KDR: variants seen among roughly 807,000 people sequenced by gnomAD.
KDR encodes the protein kinase insert domain receptor.
In KDR, 43 loss-of-function variants were observed where a neutral mutation model predicts 160.9. The observed-to-expected ratio is 0.27, with a 90% confidence interval of 0.21 to 0.34. KDR has a LOEUF of 0.34. Among genes scored for constraint, KDR ranks in the 10% least tolerant of loss-of-function variants. The pLI is 1.00. For synonymous variants in KDR, 617 were observed against 600.1 expected (o/e 1.03, Z -0.41); for missense variants, 1,469 against 1,666.4 (o/e 0.88, Z 2.06).
intron 9 of KDR, 102 bp downstream of exon 9, chr4:55,110,301 A>G (rs377049340): frequency 1.7e-6 from 2 of 1,211,086 alleles, no homozygotes; most frequent in South Asian, 1.2e-5. Context: ...CAGCCATGAT[A>G]TGAGTGAAGC....
intron 27 of KDR, among the ~76,000 whole-genome samples, chr4:55,084,564 C>T (rs1056640884): frequency 5.3e-5 from 8 of 152,090 alleles, no homozygotes; most frequent in African/African-American, 1.4e-4. Flanking sequence ...TCTCCTAAGA[C>T]GGAGAAACAG....
chr4:55,106,040 GC>G, intron 11 of KDR, 100 bp from the exon 12 acceptor site: 1 of 802,668 alleles, frequency 1.2e-6, no homozygotes, highest in Non-Finnish European at 2.3e-6. Flanking sequence ...ACCTGCCTAT[GC>G]CATTCCCACT....
chr4:55,117,534 G>A (rs1042975893), intron 3 of KDR, among the ~76,000 whole-genome samples: 1 of 152,142 alleles, frequency 6.6e-6, no homozygotes, highest in Non-Finnish European at 1.5e-5. Context: ...GAATCCAGTG[G>A]CATAGGTTAT....
Position 55,125,414 on chromosome 4 carries a change from A to G in KDR, c.-121T>C, listed in dbSNP as rs567997361. 16 of 1,294,826 alleles carry G rather than the reference A, an allele frequency of 1.2e-5. No individual in the cohort carries two copies. The highest frequency in any genetic ancestry group is 1.6e-5 in the Non-Finnish European group (15 of 927,216). The allele number at this position is 1,294,826 out of a possible 1,614,324, so 80.2% of individuals were successfully genotyped here. On this transcript the variant is annotated 5_prime_UTR_variant, in exon 1 of 30. Transcript: ENST00000263923. ...GGCACCCCGCAGCGCAGGACAGTTG[A>G]GCGCACAGGGCTAGGGAGCCCGGGC...
intron 2 of KDR, 99 bp from the exon 3 acceptor site, chr4:55,118,899 C>A: frequency 2.2e-6 from 2 of 925,534 alleles, no homozygotes; most frequent in Non-Finnish European, 3.4e-6. Flanking sequence ...TAAATAAACT[C>A]TTCAACAGAC....
intron 15 of KDR, among the ~76,000 whole-genome samples, chr4:55,101,024 A>G (rs1720296833): frequency 6.6e-6 from 1 of 152,238 alleles, no homozygotes; most frequent in Admixed American, 6.5e-5. Flanking sequence ...TGAGATAAAA[A>G]CCAAAAATTT....
At chr4:55,114,070 C>T (rs979703876) in intron 6 of KDR, 56 bp downstream of exon 6, 9 of 1,605,116 alleles carry the variant, frequency 5.6e-6, no homozygotes, top group East Asian at 4.5e-5. Context: ...AAGCAAACTT[C>T]ACTGGGGCTT....
intron 4 of KDR, 35 bp downstream of exon 4, chr4:55,115,246 A>C (rs1204981828): frequency 1.9e-6 from 3 of 1,576,054 alleles, no homozygotes; most frequent in African/African-American, 2.7e-5. Context: ...AAAATTATAA[A>C]AACTTAAGAG....
chr4:55,118,163 A>C (rs898995524), intron 3 of KDR, among the ~76,000 whole-genome samples: 5 of 152,126 alleles, frequency 3.3e-5, no homozygotes, highest in Admixed American at 6.6e-5. Flanking sequence ...TGTGCAAAAA[A>C]CTCCAGAGCC....
At chr4:55,082,497 T>C (rs547194966) in intron 28 of KDR, 39 bp downstream of exon 28, 1 of 1,420,410 alleles carries the variant, frequency 7.0e-7, no homozygotes, top group Admixed American at 1.7e-5. Flanking sequence ...TTTCATCCTT[T>C]GTATTATTTC....
intron 26 of KDR, among the ~76,000 whole-genome samples, 169 bp downstream of exon 26, chr4:55,088,698 AG>A (rs1719931787): frequency 6.6e-6 from 1 of 152,234 alleles, no homozygotes. Flanking sequence ...TCTGTCTAAA[AG>A]GGTAATTACA....
At chr4:55,090,476 GA>G (rs1402282804) in intron 22 of KDR, among the ~76,000 whole-genome samples, 1 of 152,182 alleles carries the variant, frequency 6.6e-6, no homozygotes, top group Non-Finnish European at 1.5e-5. Context: ...ACGGAAATCA[GA>G]AACAAGGGGC....
In KDR at chr4:55,082,570, G is replaced by T. The variant is rs150847930; in HGVS notation, c.3728C>A (p.Pro1243Gln). The change falls in exon 28 of 30, where the codon CCG becomes CAG. Residue 1243 changes from proline (P) to glutamine (Q), a missense_variant. This residue lies in a region of KDR where 229 missense variants were observed against 197.8 expected (regional missense o/e 1.16). Transcript: ENST00000263923. ...TACTTTTACTTCTGGTTCTTCTAACGGGATATCTTCAAATGTTTTTACACT... is the reference window on the plus strand; with the variant it reads ...TACTTTTACTTCTGGTTCTTCTAACTGGATATCTTCAAATGTTTTTACACT... ...PVSVKTFEDI[P>Q]LEEPEVKVIP... 1 of 1,613,560 alleles carries T rather than the reference G, an allele frequency of 6.2e-7. No homozygotes were observed. Among genetic ancestry groups the T allele is most frequent in the Non-Finnish European group, 8.5e-7 (1 of 1,179,636 alleles).
intron 3 of KDR, among the ~76,000 whole-genome samples, chr4:55,117,119 A>G (rs182389989): frequency 6.6e-6 from 1 of 152,318 alleles, no homozygotes; most frequent in Non-Finnish European, 1.5e-5. Flanking sequence ...TAACCCTTTG[A>G]CGTAAGACTA....
chr4:55,094,398 GAA>G (rs1042360166), intron 21 of KDR, among the ~76,000 whole-genome samples: 19 of 152,254 alleles, frequency 1.2e-4, no homozygotes, highest in African/African-American at 4.6e-4. Flanking sequence ...TAGGTATAAT[GAA>G]AAGACTTTTG....
Position 55,098,710 on chromosome 4 carries a change from C to T in KDR, c.2360G>A (p.Arg787Gln), listed in dbSNP as rs193921127. ...FFWLLLVIIL[R>Q]TVKRANGGEL... ...TTATTTTTTTACCCGCTTAACGGTC[C>T]GTAGGATGATGACAAGAAGTAGCCA... is the stretch of plus-strand genomic sequence containing the variant. The change falls in exon 16 of 30, where the codon CGG (arginine) becomes CAG (glutamine). Residue 787 changes from arginine to glutamine, a missense_variant. By Grantham distance (43) the Arg-to-Gln change is conservative. Coordinates refer to ENST00000263923, the MANE Select transcript of KDR (RefSeq NM_002253.4). The T allele has an allele frequency of 1.7e-5, 28 of 1,611,840 alleles. No homozygotes were observed. The East Asian group carries it at 1.8e-4, about 10-fold the overall frequency.
intron 17 of KDR, among the ~76,000 whole-genome samples, 185 bp downstream of exon 17, chr4:55,097,952 T>C (rs945403944): frequency 6.6e-6 from 1 of 151,884 alleles, no homozygotes; most frequent in African/African-American, 2.4e-5. Context: ...TGTCCTGCTT[T>C]GGATGATTAC....
chr4:55,079,962 T>A lies in KDR; in HGVS notation c.4050A>T (p.Thr1350=). Residue 1350 remains threonine (T), a synonymous_variant, in exon 30 of 30, where the codon ACA becomes ACT. Transcript: ENST00000263923. ...CCTTTTAAACAGGAGGAGAGCTCAGTGTGGTCCCCGAGTCAGGCTGGAGAA... is the reference window on the plus strand; with the variant it reads ...CCTTTTAAACAGGAGGAGAGCTCAGAGTGGTCCCCGAGTCAGGCTGGAGAA... ...AQILQPDSGT[T]LSSPPV is the part of the protein sequence containing the mutation. 1 of 1,614,164 alleles carries A rather than the reference T, an allele frequency of 6.2e-7. No homozygotes were observed. The highest frequency in any genetic ancestry group is 8.5e-7 in the Non-Finnish European group (1 of 1,180,010).
chr4:55,121,657 C>A (rs1306630855), intron 1 of KDR, among the ~76,000 whole-genome samples: 1 of 152,216 alleles, frequency 6.6e-6, no homozygotes, highest in African/African-American at 2.4e-5. Flanking sequence ...GTGAGAGAAT[C>A]TATGACCTTG....
Sources: gnomAD v4.1 joint callset for allele counts (sites outside exome capture counted in the v4.1 genomes callset) on GRCh38, gnomAD v4.1.1 for gene constraint, gnomAD v4.1.1 regional missense constraint, MANE v1.5 for transcripts, NCBI Gene and HGNC (gene_info 2026-07-23, HGNC 2026-07-21) for gene names.